The following DHX35 variants were observed in gnomAD, a reference collection of about 807,000 sequenced individuals.
The protein encoded by DHX35 is DEAH-box helicase 35.
Under a neutral mutation model 99.6 loss-of-function variants are expected in DHX35, and 84 were observed. The ratio of observed to expected loss-of-function variants is 0.84; its 90% CI spans 0.71 to 1.01. The LOEUF (loss-of-function observed/expected upper bound fraction) is 1.01, where lower values mean the gene tolerates loss of function less well. DHX35 is among the 50% of genes least tolerant of loss of function. The pLI, the probability that DHX35 is intolerant of heterozygous loss-of-function variation, is 0.00. For missense variants in DHX35, 852 were observed against 888.5 expected (o/e 0.96, Z 0.52); for synonymous variants, 331 against 316.2 (o/e 1.05, Z -0.50).
At chr20:39,032,626 C>G (rs1047024366) in intron 20 of DHX35, among the ~76,000 whole-genome samples, 1 of 152,128 alleles carries the variant, frequency 6.6e-6, no homozygotes, top group Non-Finnish European at 1.5e-5. Context: ...ACTTTGTACC[C>G]TAGAATTGCA....
At chr20:38,972,478 A>G (rs2086017425) in intron 2 of DHX35, 81 bp from the exon 3 acceptor site, 1 of 885,504 alleles carries the variant, frequency 1.1e-6, no homozygotes, top group East Asian at 2.5e-5. Context: ...AAAACAGCTC[A>G]TTTCACAATG....
At chr20:39,001,143 G>A (rs2086513122) in intron 8 of DHX35, among the ~76,000 whole-genome samples, 1 of 152,194 alleles carries the variant, frequency 6.6e-6, no homozygotes, top group African/African-American at 2.4e-5. Context: ...GAGTGTTGGG[G>A]AAGTACATGA....
intron 8 of DHX35, among the ~76,000 whole-genome samples, chr20:38,998,828 C>T (rs1350039353): frequency 6.6e-6 from 1 of 152,150 alleles, no homozygotes; most frequent in Non-Finnish European, 1.5e-5. Context: ...CAGAGTTTCA[C>T]TCTTGTTGCC....
intron 19 of DHX35, 136 bp downstream of exon 19, chr20:39,028,635 T>A: frequency 1.0e-6 from 1 of 995,496 alleles, no homozygotes; most frequent in South Asian, 1.6e-5. Context: ...AAAACTGAGT[T>A]GAGGTTAGCG....
chr20:38,966,849 A>T (rs746026081), intron 1 of DHX35, among the ~76,000 whole-genome samples: 8 of 152,218 alleles, frequency 5.3e-5, no homozygotes, highest in Non-Finnish European at 1.0e-4. Flanking sequence ...ATTCTTTGTC[A>T]TTGTTTTCTT....
chr20:39,003,345 C>T (rs1203227030), intron 10 of DHX35, among the ~76,000 whole-genome samples: 1 of 152,210 alleles, frequency 6.6e-6, no homozygotes, highest in Non-Finnish European at 1.5e-5. Context: ...TAATCTTTTC[C>T]ACTGCCAAAC....
At chr20:39,034,433 G>A (rs2087110698) in intron 21 of DHX35, 116 bp downstream of exon 21, 1 of 798,584 alleles carries the variant, frequency 1.3e-6, no homozygotes. Context: ...GGGGTGCATA[G>A]GGTGGAAAGG....
rs1256159910 is a variant in DHX35, at chr20:39,039,289, A to C, written c.*746A>C. 1.3e-5 allele frequency: 2 copies of C among 152,704 alleles called. No individual in the cohort carries two copies. Among genetic ancestry groups the C allele is most frequent in the Admixed American group, 1.3e-4 (2 of 15,290 alleles). The allele number at this position is 152,704 out of a possible 1,614,324, so 9.5% of individuals were successfully genotyped here. On this transcript the variant is annotated 3_prime_UTR_variant, in exon 22 of 22. Coordinates refer to ENST00000252011, the MANE Select transcript of DHX35 (RefSeq NM_021931.4). ...AGCTGAGCACTCAGGAGAGTTCATC[A>C]GCTCAGATCCCACAGGGCCTCCTCT...
At chr20:39,021,714 A>G (rs1451938339) in intron 15 of DHX35, 127 bp from the exon 16 acceptor site, 14 of 947,708 alleles carry the variant, frequency 1.5e-5, no homozygotes, top group Non-Finnish European at 8.3e-6. Flanking sequence ...ATACACTTTA[A>G]AAATTAAGCT....
chr20:39,001,930 T>A, intron 9 of DHX35, 88 bp downstream of exon 9: 1 of 1,022,898 alleles, frequency 9.8e-7, no homozygotes, highest in Non-Finnish European at 1.5e-6. Context: ...CTCACAACTC[T>A]AAAGGATGGG....
intron 18 of DHX35, 119 bp downstream of exon 18, chr20:39,025,478 G>A (rs2145937156): frequency 2.5e-6 from 3 of 1,216,378 alleles, no homozygotes; most frequent in Non-Finnish European, 3.3e-6. Context: ...CCAACACTGG[G>A]TTTTATATTT....
chr20:38,977,795 T>G (rs2086104738), intron 3 of DHX35: 1 of 504,702 alleles, frequency 2.0e-6, no homozygotes. Context: ...AGGATTCTTG[T>G]CCTTTTGATC....
intron 17 of DHX35, 110 bp from the exon 18 acceptor site, chr20:39,025,120 T>C: frequency 7.7e-7 from 1 of 1,296,918 alleles, no homozygotes; most frequent in Non-Finnish European, 1.0e-6. Context: ...TCTTTAGATC[T>C]TATGCCGTTG....
intron 2 of DHX35, among the ~76,000 whole-genome samples, chr20:38,970,593 A>T (rs765421639): frequency 3.9e-5 from 6 of 152,156 alleles, no homozygotes; most frequent in Non-Finnish European, 7.3e-5. Context: ...GTGCTGTGTG[A>T]CCTCACTTCT....
intron 18 of DHX35, 36 bp from the exon 19 acceptor site, chr20:39,028,382 G>A (rs748344640): frequency 1.9e-6 from 3 of 1,608,806 alleles, no homozygotes; most frequent in Non-Finnish European, 2.6e-6. Flanking sequence ...GGGCAGGCAA[G>A]GGTTTCACCC....
chr20:38,990,611 C>A (rs887183781), intron 5 of DHX35, among the ~76,000 whole-genome samples: 1 of 152,056 alleles, frequency 6.6e-6, no homozygotes, highest in Non-Finnish European at 1.5e-5. Flanking sequence ...TAAAAAAATA[C>A]AGTATAACAA....
chr20:39,029,352 C>T (rs1036443729), intron 19 of DHX35: 9 of 151,444 alleles, frequency 5.9e-5, no homozygotes, highest in African/African-American at 1.9e-4. Flanking sequence ...GCCAAGATAT[C>T]CCTTGTCCTG....
chr20:39,005,232 C>T (rs746989996), intron 11 of DHX35, among the ~76,000 whole-genome samples: 6 of 152,182 alleles, frequency 3.9e-5, no homozygotes, highest in Non-Finnish European at 7.3e-5. Context: ...TACTTAAACC[C>T]TTCAGGGGCA....
intron 13 of DHX35, 134 bp downstream of exon 13, chr20:39,010,538 A>C (rs192635622): frequency 1.6e-6 from 2 of 1,276,998 alleles, no homozygotes; most frequent in African/African-American, 3.0e-5. Flanking sequence ...CTGCTTTGCA[A>C]CCAGGCCCTG....
Sources: gnomAD v4.1 joint callset for allele counts (sites outside exome capture counted in the v4.1 genomes callset) on GRCh38, gnomAD v4.1.1 for gene constraint, MANE v1.5 for transcripts, NCBI Gene and HGNC (gene_info 2026-07-23, HGNC 2026-07-21) for gene names.